Variants in LARGE1 observed in about 807,000 individuals in gnomAD.
LARGE1 encodes the protein LARGE xylosyl- and glucuronyltransferase 1, also known as xylosyl- and glucuronyltransferase LARGE1.
Under a neutral mutation model 87.6 loss-of-function variants are expected in LARGE1, and 43 were observed. That is an observed-to-expected ratio of 0.49 (90% CI 0.38 to 0.63). LARGE1 has a LOEUF of 0.63. LARGE1 is among the 30% of genes least tolerant of loss of function. LARGE1 has a pLI of 0.00. For synonymous variants in LARGE1, 434 were observed against 394.6 expected, an observed-to-expected ratio of 1.10 and a Z score of -1.18; for missense variants, 802 against 1,000.2, an observed-to-expected ratio of 0.80 and a Z score of 2.67.
intron 11 of LARGE1, among the ~76,000 whole-genome samples, chr22:33,258,187 C>G (rs180695600): frequency 6.6e-6 from 1 of 152,142 alleles, no homozygotes; most frequent in South Asian, 2.1e-4. Flanking sequence ...TCCACCACCA[C>G]GCCCGGCTAA....
rs540942624 is a variant in LARGE1 at position 33,356,309 on chromosome 22, G to T, written c.1132-18508C>A. Among the ~76,000 whole-genome samples, 12 of 152,322 alleles carry T rather than the reference G, an allele frequency of 7.9e-5. 1 individual carries two copies. The South Asian group carries it at 2.5e-3, about 32-fold the overall frequency. ...GGATGAGTGCTGAGGGAAGACAACA[G>T]ACTCAAGCTTAAGTCACCCAAGGTC... On this transcript the variant is annotated intron_variant, in intron 9 of 14. Transcript: ENST00000397394.
intron 4 of LARGE1, among the ~76,000 whole-genome samples, chr22:33,618,983 T>C (rs1045866516): frequency 6.6e-6 from 1 of 152,222 alleles, no homozygotes; most frequent in Non-Finnish European, 1.5e-5. Context: ...CTTCCTATTC[T>C]GAGCCCATAA....
chr22:33,390,479 GC>G (rs2065478653), intron 7 of LARGE1, among the ~76,000 whole-genome samples: 1 of 152,118 alleles, frequency 6.6e-6, no homozygotes, highest in Admixed American at 6.5e-5. Context: ...TGCTTCCTGT[GC>G]CAGCAGAACC....
intron 9 of LARGE1, among the ~76,000 whole-genome samples, chr22:33,371,712 C>CGGT (rs1293874434): frequency 2.0e-5 from 3 of 152,038 alleles, no homozygotes; most frequent in Non-Finnish European, 4.4e-5. Flanking sequence ...TTGCCGGGCG[C>CGGT]GGTGGCTCAC....
intron 6 of LARGE1, among the ~76,000 whole-genome samples, chr22:33,432,601 A>T (rs571330386): frequency 2.6e-5 from 4 of 152,256 alleles, no homozygotes; most frequent in East Asian, 3.9e-4. Context: ...TCATTCATGC[A>T]TGCATGCATG....
rs5845093 is a variant in LARGE1 at position 33,550,142 on chromosome 22, TACACACACAC to T, written c.787+14696_787+14705del. Among the ~76,000 whole-genome samples the T allele has an allele frequency of 1.9e-3, 265 of 142,340 alleles. 1 individual carries two copies. The highest frequency in any genetic ancestry group is 6.2e-3 in the African/African-American group (238 of 38,590). 93.4% of individuals were successfully genotyped at this position (142,340 alleles called of 152,430 possible). ...CACATGTACCCTAGAACTTAAAGTATACACACACACACACACACACACACACACACACACA... is the reference window on the plus strand; with the variant it reads ...CACATGTACCCTAGAACTTAAAGTATACACACACACACACACACACACACA... On this transcript the variant is annotated intron_variant, in intron 6 of 14. Transcript: ENST00000397394.
At chr22:33,505,134 G>A (rs2070701881) in intron 6 of LARGE1, among the ~76,000 whole-genome samples, 1 of 152,238 alleles carries the variant, frequency 6.6e-6, no homozygotes, top group African/African-American at 2.4e-5. Flanking sequence ...GCACTGAACA[G>A]GCATGCAGCT....
chr22:33,632,937 C>T (rs2149103026), intron 3 of LARGE1, among the ~76,000 whole-genome samples: 1 of 152,258 alleles, frequency 6.6e-6, no homozygotes, highest in Non-Finnish European at 1.5e-5. Context: ...TCCTGTCATC[C>T]TAGACATGGT....
At chr22:33,433,716 C>G (rs113596215) in intron 6 of LARGE1, among the ~76,000 whole-genome samples, 68 of 151,712 alleles carry the variant, frequency 4.5e-4, no homozygotes, top group African/African-American at 1.6e-3. Context: ...CTAACCAATA[C>G]CTTTTGAATT....
intron 11 of LARGE1, among the ~76,000 whole-genome samples, chr22:33,249,365 T>C (rs1200331253): frequency 1.3e-5 from 2 of 152,248 alleles, no homozygotes; most frequent in Non-Finnish European, 2.9e-5. Context: ...TTAAAGTCTT[T>C]GGCACATTTA....
intron 9 of LARGE1, among the ~76,000 whole-genome samples, chr22:33,381,280 T>A (rs1054247371): frequency 6.6e-6 from 1 of 152,216 alleles, no homozygotes; most frequent in Non-Finnish European, 1.5e-5. Context: ...GAATAGCTTG[T>A]TATGCAGCAT....
At chr22:33,849,486 G>C (rs779928865) in intron 1 of LARGE1, among the ~76,000 whole-genome samples, 1 of 151,642 alleles carries the variant, frequency 6.6e-6, no homozygotes, top group African/African-American at 2.4e-5. Context: ...CGAGGGATGC[G>C]ATACATTATT....
In LARGE1 at chr22:33,274,368, A is replaced by C. The variant is rs912593324; in HGVS notation, c.*59T>G. ...ATTTTGAATTTGAAGGCCGGGCCCC[A>C]AACAGCGAGTGGCACTTCCCCTACA... On this transcript the variant is annotated 3_prime_UTR_variant, in exon 15 of 15. Transcript: ENST00000397394. 1.9e-6 allele frequency: 3 copies of C among 1,562,804 alleles called. No individual in the cohort carries two copies. The highest frequency in any genetic ancestry group is 2.7e-5 in the African/African-American group (2 of 73,852).
chr22:33,648,200 C>G (rs2080679167), intron 3 of LARGE1, among the ~76,000 whole-genome samples: 1 of 152,188 alleles, frequency 6.6e-6, no homozygotes, highest in African/African-American at 2.4e-5. Context: ...AGCCAATGGT[C>G]TTTGGTCTAC....
At chr22:33,713,588 T>C (rs751722299) in intron 2 of LARGE1, among the ~76,000 whole-genome samples, 17 of 151,802 alleles carry the variant, frequency 1.1e-4, no homozygotes, top group Admixed American at 8.5e-4. Flanking sequence ...TTTTTTCAGG[T>C]TAAACTTTCT....
At chr22:33,839,465 G>GA (rs2063206501) in intron 1 of LARGE1, among the ~76,000 whole-genome samples, 1 of 152,132 alleles carries the variant, frequency 6.6e-6, no homozygotes, top group African/African-American at 2.4e-5. Flanking sequence ...ATATCAGCGA[G>GA]AAAAAAGCAT....
At chr22:33,121,035 A>G in the LARGE1 span, among the ~76,000 whole-genome samples, 1 of 151,962 alleles carries the variant, frequency 6.6e-6, no homozygotes, top group African/African-American at 2.4e-5. Flanking sequence ...GTTTAAGGTA[A>G]CATCTGTGGT....
chr22:33,360,701 C>T (rs1247967825), intron 9 of LARGE1, among the ~76,000 whole-genome samples: 6 of 149,458 alleles, frequency 4.0e-5, no homozygotes, highest in Non-Finnish European at 6.0e-5. Flanking sequence ...AGATTTAAAC[C>T]GTATCAAGGT....
At chr22:33,539,591 C>T (rs1569250666) in intron 6 of LARGE1, among the ~76,000 whole-genome samples, 1 of 142,692 alleles carries the variant, frequency 7.0e-6, no homozygotes, top group East Asian at 2.0e-4. Flanking sequence ...ATCCTCCAAA[C>T]TTTTTTTTTT....
Sources: allele counts gnomAD v4.1 joint callset (sites outside exome capture counted in the v4.1 genomes callset), GRCh38; gene constraint gnomAD v4.1.1; transcripts MANE v1.5; gene names NCBI Gene and HGNC (gene_info 2026-07-23, HGNC 2026-07-21).